The following PPP2R2B variants were observed in gnomAD, a reference collection of about 807,000 sequenced individuals.
The protein encoded by PPP2R2B is serine/threonine-protein phosphatase 2A 55 kDa regulatory subunit B beta isoform.
A neutral mutation model predicts 46.0 loss-of-function variants in PPP2R2B; 5 were observed. The observed-to-expected ratio is 0.11, with a 90% CI of 0.06 to 0.23. PPP2R2B has a LOEUF of 0.23. PPP2R2B is among the 10% of genes least tolerant of loss of function. The pLI, the probability that PPP2R2B is intolerant of heterozygous loss-of-function variation, is 1.00. For synonymous variants in PPP2R2B, 215 were observed against 206.7 expected, an observed-to-expected ratio of 1.04 and a Z score of -0.34; for missense variants, 367 against 575.0, an observed-to-expected ratio of 0.64 and a Z score of 3.70.
At chr5:146,808,497 C>A (rs938435674) in intron 2 of PPP2R2B, among the ~76,000 whole-genome samples, 1 of 152,138 alleles carries the variant, frequency 6.6e-6, no homozygotes, top group South Asian at 2.1e-4. Flanking sequence ...TACCTCAGAG[C>A]CCCATTCACT....
At chr5:146,868,671 C>T (rs1230360797) in intron 2 of PPP2R2B, among the ~76,000 whole-genome samples, 1 of 152,176 alleles carries the variant, frequency 6.6e-6, no homozygotes, top group African/African-American at 2.4e-5. Context: ...CATTGCCTTT[C>T]CATTTCCCCC....
chr5:146,590,024 C>G lies in PPP2R2B; in HGVS notation c.1255G>C (p.Ala419Pro). 6.2e-7 allele frequency: 1 copy of G among 1,614,180 alleles called. No homozygotes were observed. The change falls in exon 10 of 10, where the codon GCT (alanine) becomes CCT (proline). Residue 419 changes from alanine to proline, a missense_variant. Ala to Pro is a conservative substitution (Grantham distance 27). This residue lies in a region of PPP2R2B where 361 missense variants were observed against 545.5 expected (regional missense o/e 0.66). Transcript: ENST00000394411. ...ATAATATTTTCTGAAGGATGCCAAG[C>G]TGTATGCAAGATCTTTTTGCTAAAG... ...LDFSKKILHT[A>P]WHPSENIIAV...
chr5:146,914,084 GA>G (rs1763287048), intron 1 of PPP2R2B: 1 of 134,270 alleles, frequency 7.4e-6, no homozygotes, highest in Non-Finnish European at 1.5e-5. Context: ...GTTTGAAAGA[GA>G]AAAGAGGGTT....
intron 4 of PPP2R2B, among the ~76,000 whole-genome samples, chr5:146,694,792 A>G (rs1200329624): frequency 2.0e-5 from 3 of 149,746 alleles, no homozygotes; most frequent in African/African-American, 7.3e-5. Flanking sequence ...TATTATACAA[A>G]TTTTGTGATT....
chr5:146,722,655 T>A (rs1278244385), intron 2 of PPP2R2B, among the ~76,000 whole-genome samples: 1 of 152,180 alleles, frequency 6.6e-6, no homozygotes, highest in African/African-American at 2.4e-5. Flanking sequence ...GAGAAATGAC[T>A]GACAAGCAAG....
chr5:146,789,322 C>CAGA (rs1156731526), intron 2 of PPP2R2B, among the ~76,000 whole-genome samples: 1 of 152,078 alleles, frequency 6.6e-6, no homozygotes, highest in Non-Finnish European at 1.5e-5. Context: ...TTCAGTCTCT[C>CAGA]CATAAAACTT....
At chr5:146,927,160 G>A (rs945122033) in intron 1 of PPP2R2B, among the ~76,000 whole-genome samples, 4 of 152,090 alleles carry the variant, frequency 2.6e-5, no homozygotes, top group Non-Finnish European at 4.4e-5. Flanking sequence ...AAATAAACAC[G>A]TCTCAGGTTG....
At chr5:147,076,359 C>T (rs1757766153) in intron 2 of PPP2R2B, among the ~76,000 whole-genome samples, 2 of 151,960 alleles carry the variant, frequency 1.3e-5, no homozygotes, top group Admixed American at 1.3e-4. Flanking sequence ...ATTCCTTGCA[C>T]AGTATTTGAC....
chr5:146,592,783 C>T lies in PPP2R2B; in HGVS notation c.1052+188G>A, dbSNP rs73317439. 8.8e-3 allele frequency among the ~76,000 whole-genome samples: 1,339 copies of T among 152,270 alleles called. 20 individuals carry two copies. The highest frequency in any genetic ancestry group is 0.029 in the African/African-American group (1,200 of 41,550). On this transcript the variant is annotated intron_variant, in intron 9 of 9. Transcript: ENST00000394411. ...CCAGTTCAGAAACAGGATTCAAAGGCCTTACTACATCCTTCTCTTCTTTCC... is the reference window on the plus strand; with the variant it reads ...CCAGTTCAGAAACAGGATTCAAAGGTCTTACTACATCCTTCTCTTCTTTCC...
At chr5:146,972,870 T>C (rs1752726550) in intron 1 of PPP2R2B, among the ~76,000 whole-genome samples, 1 of 152,192 alleles carries the variant, frequency 6.6e-6, no homozygotes. Flanking sequence ...CTTATTTTTG[T>C]CAGTTGTTAT....
intron 2 of PPP2R2B, among the ~76,000 whole-genome samples, chr5:146,777,151 G>A (rs1415122287): frequency 6.6e-6 from 1 of 151,946 alleles, no homozygotes; most frequent in Non-Finnish European, 1.5e-5. Flanking sequence ...TGAAAACAGT[G>A]ACTCAAATAG....
chr5:146,797,468 T>G (rs1228431781), intron 2 of PPP2R2B, among the ~76,000 whole-genome samples: 3 of 152,206 alleles, frequency 2.0e-5, no homozygotes, highest in Non-Finnish European at 4.4e-5. Context: ...TTCTTTTATT[T>G]TTAGCAGGAG....
At chr5:147,040,823 A>G (rs996415635) in intron 1 of PPP2R2B, 4 of 438,202 alleles carry the variant, frequency 9.1e-6, no homozygotes, top group African/African-American at 8.3e-5. Context: ...AAAAAAAAAA[A>G]ACTGTAAAAT....
rs182130787 is a variant in PPP2R2B, at chr5:146,823,868, A to G, written c.70+54134T>C. ...TTGCCTCATTTCAAGTTAATTTGAA[A>G]AAGAAAAGTTGGCTCAACCAAACTT... On this transcript the variant is annotated intron_variant, in intron 2 of 9. Coordinates refer to ENST00000394411, the MANE Select transcript of PPP2R2B (RefSeq NM_181675.4). 9.5e-4 allele frequency among the ~76,000 whole-genome samples: 145 copies of G among 152,320 alleles called. 2 individuals carry two copies. In the Middle Eastern group the frequency reaches 0.024, roughly 25 times the overall value.
intron 2 of PPP2R2B, among the ~76,000 whole-genome samples, chr5:146,774,177 A>G (rs1025339903): frequency 1.3e-5 from 2 of 152,184 alleles, no homozygotes; most frequent in African/African-American, 4.8e-5. Context: ...TTTTCTGAAA[A>G]TTGATAGGAT....
intron 1 of PPP2R2B, among the ~76,000 whole-genome samples, chr5:147,012,755 G>A (rs1320320290): frequency 9.2e-5 from 14 of 151,662 alleles, no homozygotes; most frequent in Non-Finnish European, 1.6e-4. Flanking sequence ...CTTTGAATGC[G>A]TCCCAGAGAT....
At chr5:146,820,452 G>A (rs1320521647) in intron 2 of PPP2R2B, among the ~76,000 whole-genome samples, 1 of 152,124 alleles carries the variant, frequency 6.6e-6, no homozygotes, top group Non-Finnish European at 1.5e-5. Context: ...GGATAATTGA[G>A]AATTGGCCAA....
chr5:146,860,427 C>T (rs559569084), intron 2 of PPP2R2B, among the ~76,000 whole-genome samples: 1 of 152,120 alleles, frequency 6.6e-6, no homozygotes, highest in Non-Finnish European at 1.5e-5. Context: ...GAAATCAAGC[C>T]TTTGACACAG....
chr5:146,785,579 T>C (rs1044317542), intron 2 of PPP2R2B, among the ~76,000 whole-genome samples: 1 of 151,910 alleles, frequency 6.6e-6, no homozygotes, highest in Non-Finnish European at 1.5e-5. Flanking sequence ...AAAAACAACT[T>C]AATAGCTTAA....
Sources: allele counts gnomAD v4.1 joint callset (sites outside exome capture counted in the v4.1 genomes callset), GRCh38; gene constraint gnomAD v4.1.1; regional missense constraint gnomAD v4.1.1; transcripts MANE v1.5; gene names NCBI Gene and HGNC (gene_info 2026-07-23, HGNC 2026-07-21).